Variants in IL1RAPL1 observed in about 807,000 individuals in gnomAD.
The protein encoded by IL1RAPL1 is interleukin-1 receptor accessory protein-like 1.
In IL1RAPL1, 3 loss-of-function variants were observed where a neutral mutation model predicts 48.4. The observed-to-expected ratio is 0.06, with a 90% CI of 0.03 to 0.16. The LOEUF is 0.16. Among genes scored for constraint, IL1RAPL1 ranks in the 10% least tolerant of loss-of-function variants. The pLI, the probability that IL1RAPL1 is intolerant of heterozygous loss-of-function variation, is 1.00. For missense variants in IL1RAPL1, 349 were observed against 530.6 expected (o/e 0.66, Z 3.36); for synonymous variants, 185 against 187.7 (o/e 0.99, Z 0.12).
At chrX:29,824,653 G>A (rs1010823463) in intron 6 of IL1RAPL1, among the ~76,000 whole-genome samples, 3 of 111,692 alleles carry the variant, frequency 2.7e-5, no homozygotes, top group African/African-American at 6.6e-5. Context: ...ACAAGTAATT[G>A]CAGGTGCAAG....
chrX:29,117,038 T>C (rs1018404558), intron 2 of IL1RAPL1, among the ~76,000 whole-genome samples: 4 of 111,600 alleles, frequency 3.6e-5, no homozygotes, highest in African/African-American at 1.3e-4. Flanking sequence ...TGTCAAACGA[T>C]GCAGAAGCAC....
chrX:29,270,382 C>T (rs921078672), intron 2 of IL1RAPL1, among the ~76,000 whole-genome samples: 1 of 111,970 alleles, frequency 8.9e-6, no homozygotes, highest in Non-Finnish European at 1.9e-5. Flanking sequence ...TCTCTCCTGT[C>T]TTTTCTAAAA....
chrX:29,286,754 C>A (rs1932288661), intron 3 of IL1RAPL1, among the ~76,000 whole-genome samples: 1 of 111,519 alleles, frequency 9.0e-6, no homozygotes, highest in African/African-American at 3.3e-5. Context: ...TTTTTAATTC[C>A]CCTTTTCATA....
chrX:29,436,840 G>A (rs1397181951), intron 5 of IL1RAPL1, among the ~76,000 whole-genome samples: 1 of 110,645 alleles, frequency 9.0e-6, no homozygotes, highest in Non-Finnish European at 1.9e-5. Context: ...ATCATACTGT[G>A]TTATTTAAAA....
intron 6 of IL1RAPL1, among the ~76,000 whole-genome samples, chrX:29,695,597 C>CGAGAGAGAGAGAGAGAGAGA (rs10635140): frequency 1.1e-5 from 1 of 94,872 alleles, no homozygotes; most frequent in African/African-American, 4.0e-5. Context: ...TGCAAGGTGG[C>CGAGAGAGAGAGAGAGAGAGA]GAGAGAGAGA....
At chrX:29,223,033 A>T (rs1473999280) in intron 2 of IL1RAPL1, among the ~76,000 whole-genome samples, 1 of 111,199 alleles carries the variant, frequency 9.0e-6, no homozygotes, top group East Asian at 2.8e-4. Flanking sequence ...AAATTTGTTT[A>T]TTCTCCTTGT....
chrX:28,593,584 G>A (rs376233198), intron 1 of IL1RAPL1, among the ~76,000 whole-genome samples: 1 of 111,380 alleles, frequency 9.0e-6, no homozygotes, highest in Non-Finnish European at 1.9e-5. Flanking sequence ...TAGATTGTAC[G>A]TTGTAACACT....
chrX:28,746,429 G>A (rs2146955502), intron 1 of IL1RAPL1, among the ~76,000 whole-genome samples: 1 of 111,738 alleles, frequency 8.9e-6, no homozygotes, highest in Admixed American at 9.5e-5. Context: ...GGAGTTCATG[G>A]ACAATAGATA....
At chrX:28,880,691 G>A (rs896426492) in intron 2 of IL1RAPL1, among the ~76,000 whole-genome samples, 7 of 111,669 alleles carry the variant, frequency 6.3e-5, no homozygotes, top group African/African-American at 2.3e-4. Flanking sequence ...GAAAATATGT[G>A]TTTCAGTGGA....
At chrX:28,737,155 TTCCTTCCTTCCTTCCTTCCTTC>T (rs1569161789) in intron 1 of IL1RAPL1, among the ~76,000 whole-genome samples, 3 of 35,832 alleles carry the variant, frequency 8.4e-5, no homozygotes, top group East Asian at 1.8e-3. Flanking sequence ...CCTTCCTTCC[TTCCTTCCTTCCTTCCTTCCTTC>T]CTTTCTTTCC....
chrX:29,315,910 T>C (rs771650599), intron 3 of IL1RAPL1, among the ~76,000 whole-genome samples: 6 of 111,633 alleles, frequency 5.4e-5, no homozygotes, highest in Middle Eastern at 4.6e-3. Flanking sequence ...AATTAGAGTA[T>C]TGGGATAAAG....
intron 1 of IL1RAPL1, among the ~76,000 whole-genome samples, chrX:28,605,632 C>T (rs1319127711): frequency 2.7e-5 from 3 of 112,220 alleles, no homozygotes; most frequent in Non-Finnish European, 5.6e-5. Flanking sequence ...GCTACGGTTG[C>T]CTTTTGAAAA....
rs181952668 is a variant in IL1RAPL1 at position 29,487,462 on chromosome X, A to G, written c.703+88154A>G. Among the ~76,000 whole-genome samples, 911 of 111,787 alleles carry G rather than the reference A, an allele frequency of 8.1e-3. 12 individuals are homozygous for G. The highest frequency in any genetic ancestry group is 0.028 in the African/African-American group (867 of 30,753). On this transcript the variant is annotated intron_variant, in intron 5 of 10. Coordinates refer to ENST00000378993, the MANE Select transcript of IL1RAPL1 (RefSeq NM_014271.4). ...CTTATTCTTAAGTGTATTGGATCAG[A>G]TATGTACAAGTGTTGCTCATGAGGA...
chrX:28,797,806 C>T (rs1194329106), intron 2 of IL1RAPL1, among the ~76,000 whole-genome samples: 3 of 111,709 alleles, frequency 2.7e-5, no homozygotes, highest in Non-Finnish European at 5.6e-5. Context: ...CAGCAATGCC[C>T]TACTCCTGGT....
At chrX:28,795,745 A>G (rs941725477) in intron 2 of IL1RAPL1, among the ~76,000 whole-genome samples, 1 of 111,001 alleles carries the variant, frequency 9.0e-6, no homozygotes, top group African/African-American at 3.3e-5. Context: ...TCATAAGTAT[A>G]TAAGTGTGGT....
intron 6 of IL1RAPL1, among the ~76,000 whole-genome samples, chrX:29,703,717 T>C (rs1211081121): frequency 3.6e-5 from 4 of 112,366 alleles, no homozygotes; most frequent in Non-Finnish European, 7.5e-5. Flanking sequence ...ATTCATATAC[T>C]TGCTTGTAGA....
At chrX:29,918,230 CTT>C (rs1167465272) in intron 7 of IL1RAPL1, among the ~76,000 whole-genome samples, 35 of 55,358 alleles carry the variant, frequency 6.3e-4, no homozygotes, top group African/African-American at 1.7e-3. Context: ...TATATGAGAC[CTT>C]TTTTTTAAAA....
intron 2 of IL1RAPL1, among the ~76,000 whole-genome samples, chrX:29,168,555 G>GTATA (rs751368369): frequency 0.15 from 8,064 of 52,406 alleles, 1,374 homozygotes; most frequent in East Asian, 0.48. Flanking sequence ...GTATTCAATT[G>GTATA]TATATATATA....
intron 2 of IL1RAPL1, among the ~76,000 whole-genome samples, chrX:28,932,840 C>T (rs1195437243): frequency 9.1e-6 from 1 of 110,289 alleles, no homozygotes; most frequent in Non-Finnish European, 1.9e-5. Context: ...TACATTATTT[C>T]CTTATGATAT....
Sources: allele counts gnomAD v4.1 joint callset (sites outside exome capture counted in the v4.1 genomes callset), GRCh38; gene constraint gnomAD v4.1.1; transcripts MANE v1.5; gene names NCBI Gene and HGNC (gene_info 2026-07-23, HGNC 2026-07-21).